Variants in HIBCH observed in about 807,000 individuals in gnomAD.
HIBCH encodes 3-hydroxyisobutyryl-CoA hydrolase, mitochondrial.
In HIBCH, 50 loss-of-function variants were observed where a neutral mutation model predicts 58.2. That is an observed-to-expected ratio of 0.86 (90% CI 0.68 to 1.09). The LOEUF (loss-of-function observed/expected upper bound fraction) is 1.09. HIBCH is among the 50% of genes least tolerant of loss of function. HIBCH has a pLI of 0.00. For missense variants in HIBCH, 450 were observed against 449.7 expected (o/e 1.00, Z -0.01); for synonymous variants, 151 against 146.9 (o/e 1.03, Z -0.20).
intron 7 of HIBCH, among the ~76,000 whole-genome samples, chr2:190,253,701 A>G (rs1051860841): frequency 1.3e-5 from 2 of 152,098 alleles, no homozygotes; most frequent in South Asian, 4.1e-4. Flanking sequence ...AAACCCTCCC[A>G]TGGCTGCCTA....
rs1690606763 is a variant in HIBCH, at chr2:190,215,413, T to C, written c.892-2338A>G. ...GATTAAAAAGTCCACTCCTAGGACA[T>C]AAAATGTCTCAAAAGCATTTGAGAT... On this transcript the variant is annotated intron_variant, in intron 11 of 13. Coordinates refer to ENST00000359678, the MANE Select transcript of HIBCH (RefSeq NM_014362.4). This position sits in a 1 kb window ranked among gnomAD's most constrained non-coding sequence, Gnocchi z 4.4. 6.6e-6 allele frequency: 1 copy of C among 152,112 alleles called. No individual in the cohort carries two copies. The highest frequency in any genetic ancestry group is 2.1e-4 in the South Asian group (1 of 4,820). 9.4% of individuals were successfully genotyped at this position (152,112 alleles called of 1,614,324 possible). A position where few individuals can be genotyped will look rare whatever the true frequency, so the allele number is the denominator to read the frequency against.
At chr2:190,200,182 T>C, downstream of HIBCH, 1 of 1,578,426 alleles carries the variant, frequency 6.3e-7, no homozygotes, top group African/African-American at 1.4e-5. Flanking sequence ...ACTGTGGAGG[T>C]GCTAGTTTGA....
At chr2:190,319,614 G>T in intron 1 of HIBCH, 102 bp downstream of exon 1, 1 of 1,014,830 alleles carries the variant, frequency 9.9e-7, no homozygotes, top group South Asian at 1.4e-5. Flanking sequence ...CTCTGAGCGC[G>T]ACTCGAAACT....
intron 4 of HIBCH, among the ~76,000 whole-genome samples, chr2:190,291,580 G>A (rs1355425545): frequency 6.6e-6 from 1 of 152,138 alleles, no homozygotes; most frequent in Non-Finnish European, 1.5e-5. Flanking sequence ...AGGCTAGACA[G>A]GTAAATAATA....
Position 190,204,771 on chromosome 2 carries a change from A to T in HIBCH, c.*346T>A. 4.0e-6 allele frequency: 1 copy of T among 248,638 alleles called. No individual in the cohort carries two copies. Among genetic ancestry groups the T allele is most frequent in the Non-Finnish European group, 7.9e-6 (1 of 127,210 alleles). The allele number at this position is 248,638 out of a possible 1,614,324, so 15.4% of individuals were successfully genotyped here. On this transcript the variant is annotated 3_prime_UTR_variant, in exon 14 of 14. Coordinates refer to ENST00000359678, the MANE Select transcript of HIBCH (RefSeq NM_014362.4). ...TCTCCAAAGATCTTCACATTTTTCC[A>T]TCTTCTAAAACAAGGATTGACAAAC...
intron 11 of HIBCH, among the ~76,000 whole-genome samples, chr2:190,219,607 G>A (rs1444819593): frequency 1.3e-5 from 2 of 152,218 alleles, no homozygotes; most frequent in South Asian, 2.1e-4. Flanking sequence ...TAGGATTGCA[G>A]TGCATTGTGG....
chr2:190,314,350 TATATATACGTATATATATAC>T (rs1688651155), intron 1 of HIBCH, among the ~76,000 whole-genome samples: 4 of 31,852 alleles, frequency 1.3e-4, no homozygotes, highest in African/African-American at 4.4e-4. Flanking sequence ...TATATATGTG[TATATATACGTATATATATAC>T]GTATATATGT....
intron 5 of HIBCH, among the ~76,000 whole-genome samples, chr2:190,288,752 CG>C (rs1390810967): frequency 6.6e-6 from 1 of 152,064 alleles, no homozygotes; most frequent in African/African-American, 2.4e-5. Context: ...TAAAAAGCAG[CG>C]GCCTCTATTT....
chr2:190,287,391 C>T (rs530594886), intron 6 of HIBCH, among the ~76,000 whole-genome samples, 195 bp downstream of exon 6: 10 of 152,134 alleles, frequency 6.6e-5, no homozygotes, highest in Non-Finnish European at 1.3e-4. Flanking sequence ...ATAAAATATT[C>T]TTTTGGGCTG....
intron 6 of HIBCH, among the ~76,000 whole-genome samples, chr2:190,263,813 G>A (rs769231151): frequency 6.6e-5 from 10 of 151,994 alleles, no homozygotes. Flanking sequence ...ACCCCACAAT[G>A]TAATCTATGA....
At chr2:190,247,926 T>C (rs1024985392) in intron 9 of HIBCH, among the ~76,000 whole-genome samples, 19 of 152,350 alleles carry the variant, frequency 1.2e-4, no homozygotes, top group African/African-American at 4.3e-4. Flanking sequence ...GACTACAGTA[T>C]AGTGTAAAAG....
chr2:190,229,267 T>C (rs1484538814), intron 11 of HIBCH, among the ~76,000 whole-genome samples: 1 of 152,162 alleles, frequency 6.6e-6, no homozygotes, highest in Non-Finnish European at 1.5e-5. Flanking sequence ...TTGACTTCCA[T>C]TAAGTACAGA....
intron 6 of HIBCH, among the ~76,000 whole-genome samples, chr2:190,278,298 G>A (rs554293366): frequency 5.9e-5 from 9 of 152,060 alleles, no homozygotes; most frequent in East Asian, 3.9e-4. Flanking sequence ...TCCACCTCCC[G>A]GGTTCAAGCA....
chr2:190,205,310 A>G (rs369086391), intron 13 of HIBCH, 78 bp from the exon 14 acceptor site: 1 of 820,180 alleles, frequency 1.2e-6, no homozygotes, highest in East Asian at 2.6e-5. Context: ...AATTGACAGA[A>G]ATTCTTATAC....
chr2:190,311,018 G>A (rs2124862428), intron 1 of HIBCH: 1 of 679,036 alleles, frequency 1.5e-6, no homozygotes, highest in Non-Finnish European at 2.7e-6. Context: ...GCCAAAATGT[G>A]GACGTAACCA....
At chr2:190,298,373 G>T (rs1041784388) in intron 2 of HIBCH, among the ~76,000 whole-genome samples, 1 of 149,156 alleles carries the variant, frequency 6.7e-6, no homozygotes, top group Non-Finnish European at 1.5e-5. Context: ...CACCAACAGC[G>T]TAAAAGCGTT....
At chr2:190,302,076 A>G (rs1688277941) in intron 2 of HIBCH, among the ~76,000 whole-genome samples, 1 of 152,224 alleles carries the variant, frequency 6.6e-6, no homozygotes, top group South Asian at 2.1e-4. Context: ...AATGCAGACT[A>G]TGACAAATGA....
In HIBCH at chr2:190,297,769, G is replaced by A. The variant is rs188866584; in HGVS notation, c.79-816C>T. 2.2e-3 allele frequency among the ~76,000 whole-genome samples: 329 copies of A among 152,218 alleles called. 3 individuals carry two copies. Among genetic ancestry groups the A allele is most frequent in the African/African-American group, 6.9e-3 (286 of 41,516 alleles). On this transcript the variant is annotated intron_variant, in intron 2 of 13. Coordinates refer to ENST00000359678, the MANE Select transcript of HIBCH (RefSeq NM_014362.4). ...CATGGCATCACTATTCTAAGTTCTG[G>A]GATACATGTGCTGAATGTGCAGGTT...
At chr2:190,263,767 A>G (rs1271143544) in intron 6 of HIBCH, among the ~76,000 whole-genome samples, 1 of 152,174 alleles carries the variant, frequency 6.6e-6, no homozygotes, top group Non-Finnish European at 1.5e-5. Context: ...CCAGCTGCTC[A>G]GGCCAAACAT....
Sources: allele counts gnomAD v4.1 joint callset (sites outside exome capture counted in the v4.1 genomes callset), GRCh38; gene constraint gnomAD v4.1.1; non-coding constraint Gnocchi (gnomAD v3.1); transcripts MANE v1.5; gene names NCBI Gene and HGNC (gene_info 2026-07-23, HGNC 2026-07-21).